Variants in PHTF2 observed in about 807,000 individuals in gnomAD.
PHTF2 encodes the protein protein PHTF2.
PHTF2 carries 60 observed loss-of-function variants against 101.2 expected under a neutral mutation model. The ratio of observed to expected loss-of-function variants is 0.59; its 90% CI spans 0.48 to 0.73. The LOEUF (loss-of-function observed/expected upper bound fraction) is 0.73, where lower values mean the gene tolerates loss of function less well. PHTF2 is among the 30% of genes least tolerant of loss of function. The probability of loss-of-function intolerance (pLI) is 0.00; values close to 1 mark genes in which losing one functional copy is unlikely to be tolerated. For synonymous variants in PHTF2, 311 were observed against 307.3 expected (o/e 1.01, Z -0.13); for missense variants, 747 against 908.7 (o/e 0.82, Z 2.29).
chr7:77,899,708 T>A (rs1801207029), intron 5 of PHTF2, among the ~76,000 whole-genome samples: 1 of 152,188 alleles, frequency 6.6e-6, no homozygotes, highest in Non-Finnish European at 1.5e-5. Flanking sequence ...ACAGAATACT[T>A]AATCAGATTT....
intron 16 of PHTF2, among the ~76,000 whole-genome samples, chr7:77,948,000 G>A (rs1014614576): frequency 1.3e-5 from 2 of 151,422 alleles, no homozygotes; most frequent in East Asian, 1.9e-4. Context: ...CACCACGCCC[G>A]GCTAATTTTT....
At position 77,918,479 on chromosome 7, in the gene PHTF2, T is replaced by C. The variant is rs1803143872; in HGVS notation, c.777-1800T>C. Among the ~76,000 whole-genome samples, 4 of 152,358 alleles carry C rather than the reference T, an allele frequency of 2.6e-5. No individual in the cohort carries two copies. The South Asian group carries it at 8.3e-4, about 32-fold the overall frequency. On this transcript the variant is annotated intron_variant, in intron 9 of 19. Transcript: ENST00000416283. ...CCTTCTCAGCCCAGTCTGATTTTCA[T>C]GAACCTTTATAAATACCTTTCCAGT...
At chr7:77,836,359 G>A (rs1427860115) in intron 1 of PHTF2, among the ~76,000 whole-genome samples, 1 of 152,090 alleles carries the variant, frequency 6.6e-6, no homozygotes, top group African/African-American at 2.4e-5. Context: ...AAATCCACAT[G>A]TAAGCGGACC....
chr7:77,874,589 C>G (rs1382020647), intron 3 of PHTF2, among the ~76,000 whole-genome samples: 1 of 152,164 alleles, frequency 6.6e-6, no homozygotes, highest in Non-Finnish European at 1.5e-5. Flanking sequence ...AGGCCAGTCT[C>G]TCTATTCATA....
At chr7:77,870,118 G>T (rs1484483463) in intron 3 of PHTF2, among the ~76,000 whole-genome samples, 1 of 151,786 alleles carries the variant, frequency 6.6e-6, no homozygotes, top group Non-Finnish European at 1.5e-5. Context: ...TTTTGCTTTT[G>T]TTGCCTGTGC....
chr7:77,831,541 C>T (rs1385103260), intron 1 of PHTF2, among the ~76,000 whole-genome samples: 1 of 152,126 alleles, frequency 6.6e-6, no homozygotes, highest in East Asian at 1.9e-4. Flanking sequence ...GTGTGTAATC[C>T]AGGTTGACAA....
chr7:77,812,194 A>C (rs1376952992), intron 1 of PHTF2, among the ~76,000 whole-genome samples: 1 of 152,228 alleles, frequency 6.6e-6, no homozygotes, highest in Non-Finnish European at 1.5e-5. Flanking sequence ...GAAAAAGATT[A>C]ATGACAACAT....
intron 5 of PHTF2, among the ~76,000 whole-genome samples, chr7:77,894,847 AC>A (rs2150805630): frequency 6.6e-6 from 1 of 152,288 alleles, no homozygotes; most frequent in African/African-American, 2.4e-5. Context: ...GATGGAAGAA[AC>A]ATGATTGAGG....
At chr7:77,932,501 G>A (rs1804659070) in intron 12 of PHTF2, among the ~76,000 whole-genome samples, 1 of 152,040 alleles carries the variant, frequency 6.6e-6, no homozygotes, top group African/African-American at 2.4e-5. Flanking sequence ...TACAAGAGGA[G>A]GCTTTTGGAT....
intron 1 of PHTF2, among the ~76,000 whole-genome samples, chr7:77,804,515 G>A (rs1395517170): frequency 6.6e-6 from 1 of 152,122 alleles, no homozygotes; most frequent in African/African-American, 2.4e-5. Context: ...TAGTAGAGAT[G>A]AGGTTTCACC....
intron 5 of PHTF2, among the ~76,000 whole-genome samples, chr7:77,894,405 T>A (rs2150804115): frequency 6.6e-6 from 1 of 152,320 alleles, no homozygotes; most frequent in East Asian, 1.9e-4. Flanking sequence ...ACTTGACATT[T>A]TCTATTTTGT....
intron 2 of PHTF2, among the ~76,000 whole-genome samples, chr7:77,848,562 T>C (rs1046729366): frequency 6.6e-6 from 1 of 152,236 alleles, no homozygotes; most frequent in Non-Finnish European, 1.5e-5. Context: ...GATTATTAGA[T>C]TTTTTTCCTA....
intron 3 of PHTF2, 49 bp from the exon 3 acceptor site, chr7:77,893,551 ATACCTATT>A: frequency 1.4e-6 from 1 of 716,024 alleles, no homozygotes; most frequent in Non-Finnish European, 2.5e-6. Context: ...AAGCAGAGTT[ATACCTATT>A]TGATGGGTAC....
At chr7:77,916,460 A>T (rs1802934129) in intron 9 of PHTF2, among the ~76,000 whole-genome samples, 1 of 152,206 alleles carries the variant, frequency 6.6e-6, no homozygotes, top group African/African-American at 2.4e-5. Flanking sequence ...GCCTGGAGCA[A>T]CCACGTTTTT....
At chr7:77,819,180 A>C (rs1053104431) in intron 1 of PHTF2, among the ~76,000 whole-genome samples, 2 of 152,208 alleles carry the variant, frequency 1.3e-5, no homozygotes, top group Non-Finnish European at 2.9e-5. Flanking sequence ...TGTCATCTGC[A>C]AATAGACATT....
intron 1 of PHTF2, among the ~76,000 whole-genome samples, chr7:77,835,910 C>T (rs528184813): frequency 2.0e-5 from 3 of 151,762 alleles, no homozygotes; most frequent in South Asian, 2.1e-4. Flanking sequence ...ACCTGAGGTC[C>T]GGAGTTTGAG....
intron 3 of PHTF2, among the ~76,000 whole-genome samples, chr7:77,868,728 A>C (rs1798279011): frequency 1.3e-5 from 2 of 152,198 alleles, no homozygotes; most frequent in African/African-American, 4.8e-5. Context: ...GATAATGGAA[A>C]GCCTATGGGC....
intron 2 of PHTF2, among the ~76,000 whole-genome samples, chr7:77,846,579 C>T (rs1796307096): frequency 9.1e-6 from 1 of 109,700 alleles, no homozygotes; most frequent in South Asian, 4.3e-4. Context: ...CTCCCCTCGC[C>T]TCCCCTCGCC....
At chr7:77,843,288 T>C (rs1796027712) in intron 2 of PHTF2, among the ~76,000 whole-genome samples, 1 of 152,250 alleles carries the variant, frequency 6.6e-6, no homozygotes, top group South Asian at 2.1e-4. Context: ...GTAACTTTTT[T>C]TCCCCTTTGC....
Sources: allele counts gnomAD v4.1 joint callset (sites outside exome capture counted in the v4.1 genomes callset), GRCh38; gene constraint gnomAD v4.1.1; transcripts MANE v1.5; gene names NCBI Gene and HGNC (gene_info 2026-07-23, HGNC 2026-07-21).